Variants in CACNA1A observed in about 807,000 individuals in gnomAD.
CACNA1A encodes the protein calcium voltage-gated channel subunit alpha1 A, also known as voltage-dependent P/Q-type calcium channel subunit alpha-1A.
A neutral mutation model predicts 262.4 loss-of-function variants in CACNA1A; 57 were observed. That is an observed-to-expected ratio of 0.22 (90% CI 0.18 to 0.27). CACNA1A has a LOEUF of 0.27. Ranked by LOEUF, CACNA1A falls within the 10% of genes least tolerant of loss-of-function variation. CACNA1A has a pLI of 1.00. For missense variants in CACNA1A, 2,526 were observed against 3,562.8 expected (o/e 0.71, Z 7.41); for synonymous variants, 1,431 against 1,419.3 (o/e 1.01, Z -0.18).
chr19:13,213,066 C>G (rs1247431167), intron 40 of CACNA1A, among the ~76,000 whole-genome samples: 1 of 152,146 alleles, frequency 6.6e-6, no homozygotes, highest in Non-Finnish European at 1.5e-5. Flanking sequence ...CCTATCCCTC[C>G]TTTGCTTAGA....
At chr19:13,452,243 TAGAGG>T (rs2060930155) in intron 3 of CACNA1A, 1 of 152,200 alleles carries the variant, frequency 6.6e-6, no homozygotes, top group Non-Finnish European at 1.5e-5. Flanking sequence ...ACAGGGTGCT[TAGAGG>T]AAAGCATATA....
chr19:13,385,839 T>C (rs7249038), intron 3 of CACNA1A, among the ~76,000 whole-genome samples: 44,622 of 151,906 alleles, frequency 0.29, 6,861 homozygotes, highest in Non-Finnish European at 0.34. Flanking sequence ...GAGTATATTC[T>C]AGAAGAGGTG....
intron 3 of CACNA1A, among the ~76,000 whole-genome samples, chr19:13,400,878 A>G (rs1005823667): frequency 3.9e-5 from 6 of 152,086 alleles, no homozygotes; most frequent in Non-Finnish European, 5.9e-5. Flanking sequence ...AAGTTGGAGT[A>G]AAGTGGCGTG....
intron 29 of CACNA1A, among the ~76,000 whole-genome samples, chr19:13,254,757 T>G (rs934476143): frequency 1.3e-5 from 2 of 152,094 alleles, no homozygotes; most frequent in Non-Finnish European, 2.9e-5. Flanking sequence ...GAGGTCATCA[T>G]AAATGGGTGG....
intron 37 of CACNA1A, chr19:13,226,476 C>T (rs1260631003): frequency 6.6e-6 from 1 of 152,352 alleles, no homozygotes; most frequent in Non-Finnish European, 1.5e-5. Flanking sequence ...CAGGGAAGAT[C>T]AAGGTGGATG....
chr19:13,356,487 A>G (rs747291871), intron 6 of CACNA1A, among the ~76,000 whole-genome samples: 14 of 152,178 alleles, frequency 9.2e-5, no homozygotes, highest in Non-Finnish European at 1.8e-4. Context: ...GAGGTGGCTT[A>G]GCTCTAAGCT....
At chr19:13,216,002 T>C (rs900176942) in intron 38 of CACNA1A, among the ~76,000 whole-genome samples, 4 of 152,024 alleles carry the variant, frequency 2.6e-5, no homozygotes, top group Admixed American at 2.0e-4. Context: ...CTCACTGCAG[T>C]CTCGACCTCC....
chr19:13,308,586 A>G lies in CACNA1A; in HGVS notation c.1669-58T>C. The G allele has an allele frequency of 1.8e-6, 2 of 1,127,004 alleles. No individual in the cohort carries two copies. Among genetic ancestry groups the G allele is most frequent in the Non-Finnish European group, 2.6e-6 (2 of 776,728 alleles). 69.8% of individuals were successfully genotyped at this position (1,127,004 alleles called of 1,614,324 possible). ...ACAGTGTCTGGGCTCCAGAACTGGC[A>G]AGCATTTCCTAGGTACCAACCTTGC... On this transcript the variant is annotated intron_variant, in intron 12 of 46. Coordinates refer to ENST00000360228, the MANE Select transcript of CACNA1A (RefSeq NM_001127222.2). The surrounding 1 kb of genome is among the most constrained non-coding windows in gnomAD (Gnocchi z 4.2).
chr19:13,367,455 T>C (rs911509538), intron 4 of CACNA1A, among the ~76,000 whole-genome samples: 3 of 151,772 alleles, frequency 2.0e-5, no homozygotes, highest in Non-Finnish European at 4.4e-5. Context: ...GGGCCAGGTG[T>C]GGTGGCTCAC....
At chr19:13,322,401 T>G (rs2058274221) in intron 10 of CACNA1A, among the ~76,000 whole-genome samples, 1 of 152,024 alleles carries the variant, frequency 6.6e-6, no homozygotes, top group Non-Finnish European at 1.5e-5. Flanking sequence ...TGCTGACACC[T>G]TGATTTCAGT....
chr19:13,383,229 A>C (rs2059552322), intron 3 of CACNA1A, among the ~76,000 whole-genome samples: 1 of 152,212 alleles, frequency 6.6e-6, no homozygotes, highest in African/African-American at 2.4e-5. Flanking sequence ...AGACGGTGTG[A>C]AGTGCTATGG....
intron 3 of CACNA1A, among the ~76,000 whole-genome samples, chr19:13,389,232 T>C (rs1465034607): frequency 1.3e-5 from 2 of 152,130 alleles, no homozygotes; most frequent in African/African-American, 4.8e-5. Context: ...CCCCATCCCG[T>C]AGTATCTGTC....
At chr19:13,501,728 C>T (rs1309228898) in intron 1 of CACNA1A, among the ~76,000 whole-genome samples, 1 of 152,156 alleles carries the variant, frequency 6.6e-6, no homozygotes, top group Non-Finnish European at 1.5e-5. Flanking sequence ...AGCAGCACCT[C>T]ATCATCAAGC....
rs562921865 is a variant in CACNA1A at position 13,267,275 on chromosome 19, C to A, written c.3990-4442G>T. Reference sequence around the variant, plus strand: ...AACACAGAACACGCACGTACACACACGCACCCCTGAGCACCCCCGAGTCCC... The same window carrying A: ...AACACAGAACACGCACGTACACACAAGCACCCCTGAGCACCCCCGAGTCCC... On this transcript the variant is annotated intron_variant, in intron 24 of 46. Coordinates refer to ENST00000360228, the MANE Select transcript of CACNA1A (RefSeq NM_001127222.2). Among the ~76,000 whole-genome samples the A allele has an allele frequency of 2.0e-5, 3 of 152,180 alleles. No individual in the cohort carries two copies. The South Asian group carries it at 6.2e-4, about 32-fold the overall frequency.
chr19:13,226,707 T>C (rs1468351019), intron 37 of CACNA1A, among the ~76,000 whole-genome samples: 1 of 152,152 alleles, frequency 6.6e-6, no homozygotes, highest in Non-Finnish European at 1.5e-5. Context: ...CCATGGTGCC[T>C]GCCCGCCCCA....
chr19:13,448,944 CTCTTT>C (rs983039753), intron 3 of CACNA1A, among the ~76,000 whole-genome samples: 5 of 151,826 alleles, frequency 3.3e-5, no homozygotes, highest in South Asian at 2.1e-4. Flanking sequence ...TTTTTTCTTT[CTCTTT>C]TCTTTTTTTT....
chr19:13,501,726 C>CT (rs1251104615), intron 1 of CACNA1A, among the ~76,000 whole-genome samples: 2 of 152,136 alleles, frequency 1.3e-5, no homozygotes, highest in Non-Finnish European at 2.9e-5. Flanking sequence ...GAAGCAGCAC[C>CT]TCATCATCAA....
At chr19:13,371,937 G>A (rs1432768100) in intron 3 of CACNA1A, among the ~76,000 whole-genome samples, 158 bp from the exon 4 acceptor site, 1 of 152,082 alleles carries the variant, frequency 6.6e-6, no homozygotes, top group East Asian at 1.9e-4. Context: ...CTGTAAAATG[G>A]TCTTAACAGT....
At chr19:13,349,124 GT>G (rs2058853694) in intron 6 of CACNA1A, among the ~76,000 whole-genome samples, 1 of 151,918 alleles carries the variant, frequency 6.6e-6, no homozygotes, top group Non-Finnish European at 1.5e-5. Context: ...CCCTGGCTTT[GT>G]CACTCTTGGC....
Sources: allele counts gnomAD v4.1 joint callset (sites outside exome capture counted in the v4.1 genomes callset), GRCh38; gene constraint gnomAD v4.1.1; non-coding constraint Gnocchi (gnomAD v3.1); transcripts MANE v1.5; gene names NCBI Gene and HGNC (gene_info 2026-07-23, HGNC 2026-07-21).